Variants in PSPC1 observed in about 807,000 individuals in gnomAD.
PSPC1 encodes paraspeckle component 1.
PSPC1 carries 14 observed loss-of-function variants against 51.6 expected under a neutral mutation model. The observed-to-expected ratio is 0.27, with a 90% CI of 0.18 to 0.42. The LOEUF (loss-of-function observed/expected upper bound fraction) is 0.42. Ranked by LOEUF, PSPC1 falls within the 10% of genes least tolerant of loss-of-function variation. The probability of loss-of-function intolerance (pLI) is 1.00; values close to 1 mark genes in which losing one functional copy is unlikely to be tolerated. For missense variants in PSPC1, 406 were observed against 701.1 expected, an observed-to-expected ratio of 0.58 and a Z score of 4.75; for synonymous variants, 193 against 231.9, an observed-to-expected ratio of 0.83 and a Z score of 1.53.
At chr13:19,695,935 G>C (rs1879169414) in intron 6 of PSPC1, among the ~76,000 whole-genome samples, 4 of 151,990 alleles carry the variant, frequency 2.6e-5, no homozygotes. Context: ...TCATTAGGCT[G>C]CCTGAGAATT....
At chr13:19,716,196 C>T (rs552796340) in intron 6 of PSPC1, among the ~76,000 whole-genome samples, 2 of 152,228 alleles carry the variant, frequency 1.3e-5, no homozygotes, top group South Asian at 2.1e-4. Flanking sequence ...TTCCAATACA[C>T]TTCTAGTCCC....
Position 19,688,174 on chromosome 13 carries a change from T to C in PSPC1, c.1159-10351A>G, listed in dbSNP as rs577831566. Among the ~76,000 whole-genome samples the C allele has an allele frequency of 7.2e-5, 11 of 152,248 alleles. No homozygotes were observed. The South Asian group carries it at 2.3e-3, about 32-fold the overall frequency. ...ATTCTATGAAAATCCTTCCCAACTATTGTATCTTATATGCATTTCTCTTTG... is the reference window on the plus strand; with the variant it reads ...ATTCTATGAAAATCCTTCCCAACTACTGTATCTTATATGCATTTCTCTTTG... On this transcript the variant is annotated intron_variant and NMD_transcript_variant, in intron 6 of 7. Coordinates refer to the PSPC1 transcript ENST00000471658.
chr13:19,737,952 G>T (rs1885021174), intron 5 of PSPC1, among the ~76,000 whole-genome samples: 1 of 152,094 alleles, frequency 6.6e-6, no homozygotes, highest in Non-Finnish European at 1.5e-5. Context: ...AATTAGCTGG[G>T]TGTGGTGGTA....
At chr13:19,689,066 G>C (rs1192317057) in intron 6 of PSPC1, among the ~76,000 whole-genome samples, 2 of 152,130 alleles carry the variant, frequency 1.3e-5, no homozygotes, top group East Asian at 3.9e-4. Context: ...ACTATTAAAG[G>C]ACAAACAGAA....
intron 3 of PSPC1, among the ~76,000 whole-genome samples, chr13:19,752,436 A>T (rs995583723): frequency 6.6e-6 from 1 of 152,096 alleles, no homozygotes; most frequent in Admixed American, 6.6e-5. Flanking sequence ...ATATATGTAA[A>T]TATTTATTTT....
intron 2 of PSPC1, among the ~76,000 whole-genome samples, chr13:19,766,920 C>T (rs991296580): frequency 4.0e-5 from 6 of 151,718 alleles, no homozygotes; most frequent in Admixed American, 1.3e-4. Flanking sequence ...TCCCAGCACT[C>T]TGGGAGGCTG....
In PSPC1 at chr13:19,782,517, G is replaced by A; in HGVS notation, c.241C>T (p.Arg81Cys). The change falls in exon 1 of 9, where the codon CGC (arginine) becomes TGC (cysteine). Residue 81 changes from arginine (R) to cysteine (C), a missense_variant. Coordinates refer to ENST00000338910, the MANE Select transcript of PSPC1 (RefSeq NM_001354909.2). This position sits in a 1 kb window ranked among gnomAD's most constrained non-coding sequence, Gnocchi z 4.5. ...AGATTTCCCACGAAGAGGCGGCAGCGCTGCGTGTACGTCTTCTCGCCCGGC... is the reference window on the plus strand; with the variant it reads ...AGATTTCCCACGAAGAGGCGGCAGCACTGCGTGTACGTCTTCTCGCCCGGC... ...LKPGEKTYTQ[R>C]CRLFVGNLPT... The A allele has an allele frequency of 6.2e-7, 1 of 1,613,522 alleles. No individual in the cohort carries two copies. Among genetic ancestry groups the A allele is most frequent in the South Asian group, 1.1e-5 (1 of 90,986 alleles).
chr13:19,744,918 TAATAA>T (rs1885808790), intron 4 of PSPC1, among the ~76,000 whole-genome samples: 1 of 152,194 alleles, frequency 6.6e-6, no homozygotes, highest in Non-Finnish European at 1.5e-5. Context: ...GAATTTTTCT[TAATAA>T]AATAAAGCCA....
chr13:19,673,705 C>T (rs116987226), downstream of PSPC1, among the ~76,000 whole-genome samples: 693 of 152,292 alleles, frequency 4.6e-3, 5 homozygotes, highest in South Asian at 0.027. Flanking sequence ...AGGTGACCTG[C>T]TGTTTATCAG....
At chr13:19,688,960 CTTAAA>C (rs1565960349) in intron 6 of PSPC1, among the ~76,000 whole-genome samples, 3 of 142,328 alleles carry the variant, frequency 2.1e-5, no homozygotes, top group Non-Finnish European at 3.0e-5. Context: ...GTGATAAACT[CTTAAA>C]AAAAAAAAAA....
chr13:19,782,663 G>A lies in PSPC1; in HGVS notation c.95C>T (p.Ala32Val). 2 of 1,549,606 alleles carry A rather than the reference G, an allele frequency of 1.3e-6. No homozygotes were observed. The highest frequency in any genetic ancestry group is 2.1e-5 in the Admixed American group (1 of 47,498). Residue 32 changes from alanine to valine, a missense_variant, in exon 1 of 9, where the codon GCG (alanine) becomes GTG (valine). By Grantham distance (64) the Ala-to-Val change is moderately conservative (BLOSUM62 0). This residue lies in a region of PSPC1 where 128 missense variants were observed against 107.1 expected (regional missense o/e 1.20). Coordinates refer to ENST00000338910, the MANE Select transcript of PSPC1 (RefSeq NM_001354909.2). This position sits in a 1 kb window ranked among gnomAD's most constrained non-coding sequence, Gnocchi z 4.5. ...LESAVGESEPAAAAAMALALA... is the reference protein window; with the variant it reads ...LESAVGESEPVAAAAMALALA... The stretch of plus-strand genomic sequence containing the variant: ...AGCGAGCGCCATGGCTGCCGCGGCC[G>A]CCGGCTCGCTCTCGCCCACCGCGGA...
intron 6 of PSPC1, among the ~76,000 whole-genome samples, chr13:19,681,828 C>G (rs1877297860): frequency 6.6e-6 from 1 of 152,174 alleles, no homozygotes; most frequent in East Asian, 1.9e-4. Context: ...CTGGCTGCTA[C>G]AGCAATAAAG....
intron 5 of PSPC1, among the ~76,000 whole-genome samples, chr13:19,735,059 C>T (rs1884622194): frequency 6.6e-6 from 1 of 151,388 alleles, no homozygotes; most frequent in Admixed American, 6.6e-5. Flanking sequence ...TGCTTGTAAT[C>T]CCAGCGCTTT....
At chr13:19,771,934 T>C (rs1888662890) in intron 2 of PSPC1, among the ~76,000 whole-genome samples, 1 of 152,178 alleles carries the variant, frequency 6.6e-6, no homozygotes. Context: ...AAATTAGGTG[T>C]CAATAAAGCT....
At chr13:19,683,651 A>AT (rs1261457225) in intron 6 of PSPC1, among the ~76,000 whole-genome samples, 1 of 152,210 alleles carries the variant, frequency 6.6e-6, no homozygotes, top group Non-Finnish European at 1.5e-5. Flanking sequence ...AGAAGGGAAA[A>AT]TTATTTGTAA....
chr13:19,688,879 T>A (rs904944743), intron 6 of PSPC1, among the ~76,000 whole-genome samples: 1 of 152,136 alleles, frequency 6.6e-6, no homozygotes, highest in African/African-American at 2.4e-5. Flanking sequence ...TGTTCGCTTA[T>A]TAGTTTATAT....
intron 6 of PSPC1, among the ~76,000 whole-genome samples, chr13:19,696,804 T>C (rs1179927342): frequency 6.6e-6 from 1 of 152,332 alleles, no homozygotes; most frequent in East Asian, 1.9e-4. Context: ...TTTCATCTCA[T>C]ACTGGTATGC....
At chr13:19,725,244 C>T (rs1434586183) in intron 6 of PSPC1, among the ~76,000 whole-genome samples, 2 of 152,130 alleles carry the variant, frequency 1.3e-5, no homozygotes, top group African/African-American at 2.4e-5. Context: ...ACCATTTCTT[C>T]CCATTAACTT....
intron 5 of PSPC1, among the ~76,000 whole-genome samples, chr13:19,735,436 C>T (rs897015072): frequency 6.6e-6 from 1 of 152,144 alleles, no homozygotes; most frequent in Non-Finnish European, 1.5e-5. Context: ...CAGACTGAAC[C>T]AGTTCATGTA....
Sources: allele counts gnomAD v4.1 joint callset (sites outside exome capture counted in the v4.1 genomes callset), GRCh38; gene constraint gnomAD v4.1.1; regional missense constraint gnomAD v4.1.1; non-coding constraint Gnocchi (gnomAD v3.1); transcripts MANE v1.5; gene names NCBI Gene and HGNC (gene_info 2026-07-23, HGNC 2026-07-21).